AGBL4: variants seen among roughly 807,000 people sequenced by gnomAD.
AGBL4 encodes AGBL carboxypeptidase 4.
Under a neutral mutation model 66.4 loss-of-function variants are expected in AGBL4, and 58 were observed. That is an observed-to-expected ratio of 0.87 (90% CI 0.71 to 1.09). The LOEUF is 1.09. Among genes scored for constraint, AGBL4 ranks in the 50% least tolerant of loss-of-function variants. The pLI, the probability that AGBL4 is intolerant of heterozygous loss-of-function variation, is 0.00. For missense variants in AGBL4, 579 were observed against 631.0 expected, an observed-to-expected ratio of 0.92 and a Z score of 0.88; for synonymous variants, 234 against 222.9, an observed-to-expected ratio of 1.05 and a Z score of -0.44.
chr1:49,265,075 CTTCT>C (rs1259483902), intron 3 of AGBL4, among the ~76,000 whole-genome samples: 11 of 150,914 alleles, frequency 7.3e-5, no homozygotes, highest in Non-Finnish European at 1.6e-4. Flanking sequence ...CATGTTTTTC[CTTCT>C]TTATTTAGTA....
intron 2 of AGBL4, among the ~76,000 whole-genome samples, chr1:49,740,497 A>G (rs1410092088): frequency 2.0e-5 from 3 of 152,178 alleles, no homozygotes; most frequent in Non-Finnish European, 2.9e-5. Context: ...TCAACGAGAC[A>G]AAAAGTTAAC....
chr1:49,003,806 T>C (rs1346622968), intron 5 of AGBL4, among the ~76,000 whole-genome samples: 3 of 152,188 alleles, frequency 2.0e-5, no homozygotes, highest in African/African-American at 7.2e-5. Context: ...TTTGTCAAAA[T>C]AATCTCTGGA....
At chr1:48,748,428 C>T (rs1199880441) in intron 6 of AGBL4, among the ~76,000 whole-genome samples, 1 of 152,186 alleles carries the variant, frequency 6.6e-6, no homozygotes, top group Non-Finnish European at 1.5e-5. Flanking sequence ...CACTGTCCAG[C>T]AGTGGAAAGA....
intron 3 of AGBL4, among the ~76,000 whole-genome samples, chr1:49,395,102 G>T (rs550575115): frequency 6.6e-6 from 1 of 152,292 alleles, no homozygotes; most frequent in South Asian, 2.1e-4. Context: ...GTGCTGATTG[G>T]CATGACCTTA....
chr1:48,599,258 A>G (rs1645041116), intron 9 of AGBL4, among the ~76,000 whole-genome samples: 2 of 152,252 alleles, frequency 1.3e-5, no homozygotes, highest in East Asian at 3.8e-4. Context: ...AAATAACAAT[A>G]AAAAGTATAG....
At chr1:49,341,724 A>G (rs1238747671) in intron 3 of AGBL4, among the ~76,000 whole-genome samples, 1 of 152,128 alleles carries the variant, frequency 6.6e-6, no homozygotes, top group Non-Finnish European at 1.5e-5. Context: ...AAAGGGGGAA[A>G]TTTAAGAGCT....
intron 6 of AGBL4, among the ~76,000 whole-genome samples, chr1:48,779,745 C>G (rs1645247333): frequency 6.8e-6 from 1 of 147,900 alleles, no homozygotes. Flanking sequence ...CGGAGTTTCG[C>G]TCTTGTTGCC....
chr1:49,372,707 TTCTC>T (rs759141805), intron 3 of AGBL4, among the ~76,000 whole-genome samples: 36 of 149,134 alleles, frequency 2.4e-4, no homozygotes, highest in African/African-American at 7.6e-4. Flanking sequence ...TTCTTTTTCT[TTCTC>T]TCTCTCTCTT....
chr1:49,012,626 T>C (rs1306386902), intron 5 of AGBL4, among the ~76,000 whole-genome samples: 1 of 152,188 alleles, frequency 6.6e-6, no homozygotes, highest in Non-Finnish European at 1.5e-5. Context: ...GGAAGTGACA[T>C]GTTATCCATA....
chr1:49,350,057 G>A (rs1645717619), intron 3 of AGBL4, among the ~76,000 whole-genome samples: 2 of 152,106 alleles, frequency 1.3e-5, no homozygotes, highest in Admixed American at 1.3e-4. Flanking sequence ...TTTTGTTATA[G>A]CAGCTCTAGC....
intron 1 of AGBL4, among the ~76,000 whole-genome samples, chr1:50,000,749 C>G (rs1389063556): frequency 6.6e-6 from 1 of 151,966 alleles, no homozygotes; most frequent in Non-Finnish European, 1.5e-5. Flanking sequence ...TAAAAAGGAA[C>G]TAAATAATGG....
intron 2 of AGBL4, among the ~76,000 whole-genome samples, chr1:49,811,034 G>A (rs1203844939): frequency 6.6e-6 from 1 of 152,164 alleles, no homozygotes; most frequent in Non-Finnish European, 1.5e-5. Context: ...GAAAATAAGA[G>A]TAAAGAGTTA....
chr1:49,329,649 T>G (rs1304886820), intron 3 of AGBL4, among the ~76,000 whole-genome samples: 2 of 151,804 alleles, frequency 1.3e-5, no homozygotes, highest in African/African-American at 4.8e-5. Context: ...CTAGGTAACA[T>G]AGTGAGACCC....
At chr1:49,413,124 T>C (rs1369689726) in intron 3 of AGBL4, among the ~76,000 whole-genome samples, 1 of 152,180 alleles carries the variant, frequency 6.6e-6, no homozygotes. Flanking sequence ...TCACACAACC[T>C]GGTAGTGTCC....
At chr1:50,018,050 TG>T (rs1188342588) in intron 1 of AGBL4, among the ~76,000 whole-genome samples, 1 of 152,234 alleles carries the variant, frequency 6.6e-6, no homozygotes. Context: ...AGGTTGTTTT[TG>T]ATGTCCCTTC....
chr1:49,082,872 T>C (rs759695049), intron 4 of AGBL4, among the ~76,000 whole-genome samples: 7 of 152,220 alleles, frequency 4.6e-5, no homozygotes, highest in Non-Finnish European at 7.3e-5. Flanking sequence ...ACTTCCTAGA[T>C]ACAATGGAGG....
intron 3 of AGBL4, among the ~76,000 whole-genome samples, chr1:49,550,188 T>C (rs951604001): frequency 5.3e-5 from 8 of 152,176 alleles, no homozygotes; most frequent in Non-Finnish European, 1.2e-4. Context: ...TAGGTGAGTC[T>C]CTTGAAGGCA....
intron 2 of AGBL4, among the ~76,000 whole-genome samples, chr1:49,805,751 C>A (rs953325572): frequency 2.0e-5 from 3 of 152,090 alleles, no homozygotes; most frequent in Non-Finnish European, 4.4e-5. Flanking sequence ...AAGATAAGTA[C>A]CCTTATAAAA....
At chr1:49,911,915 C>G (rs1650874218) in intron 1 of AGBL4, among the ~76,000 whole-genome samples, 1 of 152,224 alleles carries the variant, frequency 6.6e-6, no homozygotes, top group South Asian at 2.1e-4. Flanking sequence ...CACCTGAGGT[C>G]CCAGCTCACA....
Sources: gnomAD v4.1 joint callset for allele counts (sites outside exome capture counted in the v4.1 genomes callset) on GRCh38, gnomAD v4.1.1 for gene constraint, MANE v1.5 for transcripts, NCBI Gene and HGNC (gene_info 2026-07-23, HGNC 2026-07-21) for gene names.